The following SLC35C1 variants were observed in gnomAD, a reference collection of about 807,000 sequenced individuals.
The protein encoded by SLC35C1 is GDP-fucose transporter 1.
Under a neutral mutation model 23.2 loss-of-function variants are expected in SLC35C1, and 8 were observed. The ratio of observed to expected loss-of-function variants is 0.35; its 90% CI spans 0.20 to 0.62. The LOEUF is 0.62. Among genes scored for constraint, SLC35C1 ranks in the 20% least tolerant of loss-of-function variants. The probability of loss-of-function intolerance (pLI) is 0.75; values close to 1 mark genes in which losing one functional copy is unlikely to be tolerated. For synonymous variants in SLC35C1, 226 were observed against 225.1 expected (o/e 1.00, Z -0.04); for missense variants, 422 against 478.6 (o/e 0.88, Z 1.10).
Position 45,810,912 on chromosome 11 carries a change from C to G in SLC35C1, c.672C>G (p.Asp224Glu), listed in dbSNP as rs528291665. The G allele has an allele frequency of 2.0e-5, 33 of 1,612,190 alleles. No individual in the cohort carries two copies. In the South Asian group the frequency reaches 3.2e-4, roughly 16 times the overall value. The change falls in exon 2 of 2, where the codon GAC becomes GAG. Residue 224 changes from aspartate (D) to glutamate (E), a missense_variant. Physicochemically the swap from Asp to Glu is conservative, Grantham distance 45 (BLOSUM62 2). Coordinates refer to ENST00000314134, the MANE Select transcript of SLC35C1 (RefSeq NM_018389.5). ...CCACGAAGGTGCTCCCGGCGGTGGACGGCAGCATCTGGCGCCTGACTTTCT... is the reference window on the plus strand; with the variant it reads ...CCACGAAGGTGCTCCCGGCGGTGGAGGGCAGCATCTGGCGCCTGACTTTCT... Reference protein sequence around the residue: ...IYTTKVLPAVDGSIWRLTFYN... With the variant: ...IYTTKVLPAVEGSIWRLTFYN...
upstream of SLC35C1, chr11:45,804,977 G>A (rs548736922): frequency 7.6e-4 from 748 of 985,776 alleles, 5 homozygotes; most frequent in South Asian, 0.015. Context: ...TGTGGCTGCC[G>A]AGGTCCCCCG....
At position 45,812,182 on chromosome 11, in the gene SLC35C1, C is replaced by A; in HGVS notation, c.*847C>A. On this transcript the variant is annotated 3_prime_UTR_variant, in exon 2 of 2. Coordinates refer to ENST00000314134, the MANE Select transcript of SLC35C1 (RefSeq NM_018389.5). ...AGCCAAGGAGCTGCTTCTCTCTTCT[C>A]CCAGTTCTACCTCCCCAGAAGCCTT... 5.0e-6 allele frequency: 1 copy of A among 199,208 alleles called. No homozygotes were observed. The allele number at this position is 199,208 out of a possible 1,614,324, so 12.3% of individuals were successfully genotyped here.
chr11:45,810,579 C>A (rs574078426), intron 1 of SLC35C1, 197 bp from the exon 2 acceptor site: 1 of 985,288 alleles, frequency 1.0e-6, no homozygotes, highest in Admixed American at 6.1e-5. Context: ...TTGCCCTGGG[C>A]GGCTCCCATA....
At chr11:45,808,140 A>G (rs1004675774) in intron 1 of SLC35C1, among the ~76,000 whole-genome samples, 7 of 152,082 alleles carry the variant, frequency 4.6e-5, no homozygotes, top group African/African-American at 1.7e-4. Flanking sequence ...TTGTAGGGGA[A>G]GACGAGTCTC....
rs1412904082 is a variant in SLC35C1, at chr11:45,811,574, C to T, written c.*239C>T. ...GAAAGTTGCCAAACCCTTCTCTATC[C>T]TCTCGTATTTCTGAGTTTTTGTCCT... On this transcript the variant is annotated 3_prime_UTR_variant, in exon 2 of 2. Coordinates refer to ENST00000314134, the MANE Select transcript of SLC35C1 (RefSeq NM_018389.5). 3.1e-5 allele frequency: 14 copies of T among 451,864 alleles called. No individual in the cohort carries two copies. The highest frequency in any genetic ancestry group is 9.8e-5 in the African/African-American group (5 of 50,982). The allele number at this position is 451,864 out of a possible 1,614,324, so 28.0% of individuals were successfully genotyped here.
Position 45,811,171 on chromosome 11 carries a change from G to A in SLC35C1, c.931G>A (p.Ala311Thr). 3 of 1,611,980 alleles carry A rather than the reference G, an allele frequency of 1.9e-6. No individual in the cohort carries two copies. Among genetic ancestry groups the A allele is most frequent in the Non-Finnish European group, 2.5e-6 (3 of 1,179,992 alleles). The stretch of plus-strand genomic sequence containing the variant: ...CAAGGCCTGTGCCCAGACAGTGCTG[G>A]CCGTGCTCTACTACGAGGAGACCAA... The part of the protein sequence containing the change: ...TAKACAQTVL[A>T]VLYYEETKSF... The change falls in exon 2 of 2, where the codon GCC becomes ACC. Residue 311 changes from alanine (A) to threonine (T), a missense_variant. Ala to Thr is a moderately conservative substitution (Grantham distance 58). Coordinates refer to ENST00000314134, the MANE Select transcript of SLC35C1 (RefSeq NM_018389.5).
Position 45,805,433 on chromosome 11 carries a change from C to T in SLC35C1, c.-369C>T. The T allele has an allele frequency of 9.0e-7, 1 of 1,110,648 alleles. No homozygotes were observed. Among genetic ancestry groups the T allele is most frequent in the Non-Finnish European group, 1.1e-6 (1 of 901,574 alleles). The allele number at this position is 1,110,648 out of a possible 1,614,324, so 68.8% of individuals were successfully genotyped here. A position where few individuals can be genotyped will look rare whatever the true frequency, so the allele number is the denominator to read the frequency against. On this transcript the variant is annotated 5_prime_UTR_variant, in exon 1 of 2. Coordinates refer to ENST00000314134, the MANE Select transcript of SLC35C1 (RefSeq NM_018389.5). The stretch of plus-strand genomic sequence containing the variant: ...CCTGCACCTTCGCCCCGCGTACCTA[C>T]TCCTGCCCCGCCCTGCCATTCCTCT...
chr11:45,812,497 A>G lies in SLC35C1; in HGVS notation c.*1162A>G. On this transcript the variant is annotated 3_prime_UTR_variant, in exon 2 of 2. Coordinates refer to ENST00000314134, the MANE Select transcript of SLC35C1 (RefSeq NM_018389.5). ...CAGTCCTGGGGGGCTGGGACGCCCA[A>G]GATCAAGAGGCCAGCAGATTCGGAC... 2 of 455,440 alleles carry G rather than the reference A, an allele frequency of 4.4e-6. No homozygotes were observed. The highest frequency in any genetic ancestry group is 3.1e-5 in the South Asian group (2 of 64,524). 28.2% of individuals were successfully genotyped at this position (455,440 alleles called of 1,614,324 possible). A position where few individuals can be genotyped will look rare whatever the true frequency, so the allele number is the denominator to read the frequency against.
chr11:45,806,999 G>T, intron 1 of SLC35C1: 1 of 616,384 alleles, frequency 1.6e-6, no homozygotes, highest in Non-Finnish European at 2.0e-6. Flanking sequence ...AATAATTATT[G>T]ATGGGGAAAT....
chr11:45,810,134 A>AT, intron 1 of SLC35C1: 1 of 985,446 alleles, frequency 1.0e-6, no homozygotes, highest in African/African-American at 1.7e-5. Context: ...CTGCCACGCC[A>AT]AGGAGTGTAG....
chr11:45,805,703 G>A lies in SLC35C1; in HGVS notation c.-99G>A. Reference sequence around the variant, plus strand: ...AGGCCAGCCCACATGTGACAATGGAGGGCTGCGGCTTCCTTGCGGAGAGCA... The same window carrying A: ...AGGCCAGCCCACATGTGACAATGGAAGGCTGCGGCTTCCTTGCGGAGAGCA... On this transcript the variant is annotated 5_prime_UTR_variant, in exon 1 of 2. Transcript: ENST00000314134. 3 of 1,591,756 alleles carry A rather than the reference G, an allele frequency of 1.9e-6. No homozygotes were observed. Among genetic ancestry groups the A allele is most frequent in the Non-Finnish European group, 2.5e-6 (3 of 1,176,866 alleles).
chr11:45,805,335 G>GGCCCCCC lies in SLC35C1; in HGVS notation c.-467_-466insGCCCCCC. On this transcript the variant is annotated 5_prime_UTR_variant, in exon 1 of 2. Coordinates refer to ENST00000314134, the MANE Select transcript of SLC35C1 (RefSeq NM_018389.5). Reference sequence around the variant, plus strand: ...GCTCCCTGTACGCCTCCCTCCCCCTGCCCGCCCCTCCCTCCCACAGCCGCC... The same window carrying GGCCCCCC: ...GCTCCCTGTACGCCTCCCTCCCCCTGGCCCCCCCCCGCCCCTCCCTCCCACAGCCGCC... 87 of 566,080 alleles carry GGCCCCCC rather than the reference G, an allele frequency of 1.5e-4. No individual in the cohort carries two copies. Among genetic ancestry groups the GGCCCCCC allele is most frequent in the South Asian group, 3.2e-4 (4 of 12,560 alleles). 35.1% of individuals were successfully genotyped at this position (566,080 alleles called of 1,614,324 possible).
rs942323825 is a variant in SLC35C1, at chr11:45,810,141, G to A, written c.536-635G>A. ...ACCCCCGCCTGCCACGCCAAGGAGT[G>A]TAGTCCTCATGGCAGAAGTGGGGAG... On this transcript the variant is annotated intron_variant, in intron 1 of 1. Transcript: ENST00000314134. The A allele has an allele frequency of 5.1e-6, 5 of 985,312 alleles. No homozygotes were observed. In the East Asian group the frequency reaches 3.4e-4, roughly 67 times the overall value. 61.0% of individuals were successfully genotyped at this position (985,312 alleles called of 1,614,324 possible).
upstream of SLC35C1, chr11:45,804,474 T>A: frequency 1.0e-6 from 1 of 985,494 alleles, no homozygotes; most frequent in South Asian, 4.7e-5. Flanking sequence ...ACGCGGGAGC[T>A]GATGCGGCTG....
chr11:45,811,031 C>T lies in SLC35C1; in HGVS notation c.791C>T (p.Ala264Val), dbSNP rs777323597. The change falls in exon 2 of 2, where the codon GCC (alanine) becomes GTC (valine). Residue 264 changes from alanine to valine, a missense_variant. Physicochemically the swap from Ala to Val is moderately conservative, Grantham distance 64. Transcript: ENST00000314134. The stretch of plus-strand genomic sequence containing the variant: ...CGTGACTTTGCCCAGCTGGGCAGTG[C>T]CCACTTCTGGGGGATGATGACGCTG... The part of the protein sequence containing the change: ...ALRDFAQLGS[A>V]HFWGMMTLGG... The T allele has an allele frequency of 1.9e-6, 3 of 1,612,924 alleles. No individual in the cohort carries two copies. The Admixed American group carries it at 5.0e-5, about 27-fold the overall frequency.
rs1438911274 is a variant in SLC35C1, at chr11:45,806,281, G to A, written c.480G>A (p.Leu160=). ...TTVFNVLLSY[L]LLKQTTSFYA... ...TCTTCAACGTGCTGCTCTCCTACCT[G>A]CTGCTCAAGCAGACCACCTCCTTCT... is the stretch of plus-strand genomic sequence containing the variant. Residue 160 remains leucine (L), a synonymous_variant, in exon 1 of 2, where the codon CTG becomes CTA. Coordinates refer to ENST00000314134, the MANE Select transcript of SLC35C1 (RefSeq NM_018389.5). 6.2e-7 allele frequency: 1 copy of A among 1,612,068 alleles called. No individual in the cohort carries two copies. The highest frequency in any genetic ancestry group is 8.5e-7 in the Non-Finnish European group (1 of 1,180,032).
chr11:45,804,150 T>G (rs1476762115), upstream of SLC35C1: 1 of 152,408 alleles, frequency 6.6e-6, no homozygotes, highest in Non-Finnish European at 1.5e-5. Flanking sequence ...ACGTGCCAGC[T>G]GCGGTAACTG....
At position 45,812,597 on chromosome 11, in the gene SLC35C1, C is replaced by T. The variant is rs1248415747; in HGVS notation, c.*1262C>T. On this transcript the variant is annotated 3_prime_UTR_variant, in exon 2 of 2. Transcript: ENST00000314134. ...CCTCAATGGTAGAAGCACAAACAAG[C>T]AAGCTCCTTCCTGCCTCTTTTATAA... 1.1e-5 allele frequency: 5 copies of T among 455,942 alleles called. No individual in the cohort carries two copies. Among genetic ancestry groups the T allele is most frequent in the Admixed American group, 2.3e-5 (1 of 42,564 alleles). 28.2% of individuals were successfully genotyped at this position (455,942 alleles called of 1,614,324 possible).
At chr11:45,804,733 C>G, upstream of SLC35C1, 2 of 985,620 alleles carry the variant, frequency 2.0e-6, no homozygotes, top group East Asian at 1.1e-4. Flanking sequence ...GAAGAGTGAG[C>G]TCGGATTGGC....
Sources: gnomAD v4.1 joint callset for allele counts (sites outside exome capture counted in the v4.1 genomes callset) on GRCh38, gnomAD v4.1.1 for gene constraint, MANE v1.5 for transcripts, NCBI Gene and HGNC (gene_info 2026-07-23, HGNC 2026-07-21) for gene names.